Variants in CNTN3 observed in about 807,000 individuals in gnomAD.
CNTN3 encodes the protein contactin 3.
Under a neutral mutation model 119.1 loss-of-function variants are expected in CNTN3, and 60 were observed. The observed-to-expected ratio is 0.50, with a 90% confidence interval of 0.41 to 0.62. The LOEUF (loss-of-function observed/expected upper bound fraction) is 0.62. CNTN3 is among the 20% of genes least tolerant of loss of function. The pLI is 0.00. For synonymous variants in CNTN3, 450 were observed against 438.7 expected (o/e 1.03, Z -0.32); for missense variants, 1,101 against 1,242.4 (o/e 0.89, Z 1.71).
intron 2 of CNTN3, among the ~76,000 whole-genome samples, chr3:74,501,314 T>G (rs1013898859): frequency 2.6e-5 from 4 of 151,972 alleles, no homozygotes; most frequent in Non-Finnish European, 5.9e-5. Context: ...TAATAAGGTC[T>G]CAATAAATAA....
chr3:74,594,348 T>C (rs1704759047), intron 1 of CNTN3, among the ~76,000 whole-genome samples: 1 of 151,258 alleles, frequency 6.6e-6, no homozygotes, highest in South Asian at 2.1e-4. Context: ...AATGTGCAGG[T>C]TATTTACATA....
At chr3:74,377,331 A>G (rs1351372120) in intron 5 of CNTN3, among the ~76,000 whole-genome samples, 1 of 152,094 alleles carries the variant, frequency 6.6e-6, no homozygotes, top group African/African-American at 2.4e-5. Flanking sequence ...TTCTGACTGA[A>G]AATATTTGAG....
chr3:74,563,349 A>G (rs1437276536), intron 1 of CNTN3, among the ~76,000 whole-genome samples: 1 of 152,178 alleles, frequency 6.6e-6, no homozygotes, highest in Non-Finnish European at 1.5e-5. Flanking sequence ...TACAAGTGCC[A>G]AATTCCAGAA....
chr3:74,368,958 T>C (rs1169410828), intron 8 of CNTN3, among the ~76,000 whole-genome samples: 1 of 152,100 alleles, frequency 6.6e-6, no homozygotes, highest in East Asian at 1.9e-4. Context: ...TATCTTTGCA[T>C]GAATCATTTT....
intron 11 of CNTN3, among the ~76,000 whole-genome samples, chr3:74,360,036 C>T (rs1333204765): frequency 6.6e-6 from 1 of 152,142 alleles, no homozygotes; most frequent in Admixed American, 6.6e-5. Context: ...TATGGTGAAC[C>T]ACTCAATTCA....
chr3:74,594,139 G>A (rs1704749754), intron 1 of CNTN3, among the ~76,000 whole-genome samples: 1 of 151,838 alleles, frequency 6.6e-6, no homozygotes, highest in Non-Finnish European at 1.5e-5. Flanking sequence ...TGAGTCTGTT[G>A]TGCACTTCCT....
At chr3:74,435,334 C>T (rs966036395) in intron 4 of CNTN3, among the ~76,000 whole-genome samples, 1 of 152,088 alleles carries the variant, frequency 6.6e-6, no homozygotes, top group African/African-American at 2.4e-5. Flanking sequence ...GCCAACATCC[C>T]CAGCTAGTTT....
intron 2 of CNTN3, among the ~76,000 whole-genome samples, chr3:74,501,072 A>C (rs553510156): frequency 6.6e-6 from 1 of 152,060 alleles, no homozygotes; most frequent in African/African-American, 2.4e-5. Context: ...CTTTGCCCTC[A>C]GCTTCCAGGA....
At chr3:74,353,617 G>A (rs892462768) in intron 11 of CNTN3, among the ~76,000 whole-genome samples, 1 of 152,008 alleles carries the variant, frequency 6.6e-6, no homozygotes, top group Non-Finnish European at 1.5e-5. Context: ...TTAGCCGGGC[G>A]TGGTGGCAGG....
intron 5 of CNTN3, among the ~76,000 whole-genome samples, chr3:74,395,610 T>G (rs1325430053): frequency 6.6e-6 from 1 of 152,228 alleles, no homozygotes; most frequent in Non-Finnish European, 1.5e-5. Flanking sequence ...TTTTCTTATC[T>G]CTGAAAAGTG....
chr3:74,337,128 C>G (rs1575735329), intron 11 of CNTN3, among the ~76,000 whole-genome samples: 1 of 152,180 alleles, frequency 6.6e-6, no homozygotes, highest in East Asian at 1.9e-4. Flanking sequence ...AAGAGAGTCA[C>G]ATCGCCCCAA....
At chr3:74,598,095 T>C (rs988400787) in intron 1 of CNTN3, among the ~76,000 whole-genome samples, 14 of 152,062 alleles carry the variant, frequency 9.2e-5, no homozygotes, top group Non-Finnish European at 2.1e-4. Context: ...GTAGAGTCTG[T>C]TTCTCCTACT....
chr3:74,557,350 G>A (rs1575827978), intron 1 of CNTN3, among the ~76,000 whole-genome samples: 1 of 152,040 alleles, frequency 6.6e-6, no homozygotes, highest in Non-Finnish European at 1.5e-5. Context: ...TTGGCAGATG[G>A]ATATCCAGTT....
intron 3 of CNTN3, among the ~76,000 whole-genome samples, chr3:74,499,364 T>C (rs371649633): frequency 1.3e-4 from 19 of 151,964 alleles, no homozygotes; most frequent in African/African-American, 4.1e-4. Context: ...CCACAATGAA[T>C]GTGTTCTTGA....
At chr3:74,455,977 G>C (rs577078015) in intron 4 of CNTN3, among the ~76,000 whole-genome samples, 200 of 152,138 alleles carry the variant, frequency 1.3e-3, no homozygotes, top group African/African-American at 4.5e-3. Flanking sequence ...AAATCTAACT[G>C]GTTTATGCCA....
intron 13 of CNTN3, among the ~76,000 whole-genome samples, chr3:74,310,425 T>C (rs974381041): frequency 5.3e-5 from 8 of 152,152 alleles, no homozygotes; most frequent in South Asian, 2.1e-4. Flanking sequence ...CTCATCTCCA[T>C]TGGACACTTC....
intron 5 of CNTN3, among the ~76,000 whole-genome samples, chr3:74,411,516 GA>G (rs1329474660): frequency 1.3e-5 from 2 of 152,142 alleles, no homozygotes; most frequent in African/African-American, 4.8e-5. Context: ...TAAAAGCTCT[GA>G]GAAATAAAAG....
intron 1 of CNTN3, among the ~76,000 whole-genome samples, chr3:74,574,175 TCA>T (rs2106655815): frequency 6.6e-6 from 1 of 152,268 alleles, no homozygotes; most frequent in East Asian, 1.9e-4. Context: ...AACATTATGC[TCA>T]GTGAGGAACC....
chr3:74,276,092 A>G (rs111927416), intron 20 of CNTN3, among the ~76,000 whole-genome samples: 3 of 152,162 alleles, frequency 2.0e-5, no homozygotes, highest in Non-Finnish European at 2.9e-5. Context: ...ACAGGAAAAT[A>G]TCACAATCCT....
Sources: allele counts gnomAD v4.1 joint callset (sites outside exome capture counted in the v4.1 genomes callset), GRCh38; gene constraint gnomAD v4.1.1; transcripts MANE v1.5; gene names NCBI Gene and HGNC (gene_info 2026-07-23, HGNC 2026-07-21).